Variants in LINGO2 observed in about 807,000 individuals in gnomAD.
LINGO2 encodes leucine rich repeat and Ig domain containing 2, also known as leucine-rich repeat and immunoglobulin-like domain-containing nogo receptor-interacting protein 2.
A neutral mutation model predicts 30.6 loss-of-function variants in LINGO2; 14 were observed. That is an observed-to-expected ratio of 0.46 (90% CI 0.30 to 0.72). LINGO2 has a LOEUF of 0.72. LINGO2 is among the 30% of genes least tolerant of loss of function. LINGO2 has a pLI of 0.07. For missense variants in LINGO2, 729 were observed against 751.7 expected (o/e 0.97, Z 0.35); for synonymous variants, 317 against 288.5 (o/e 1.10, Z -1.00).
At chr9:29,028,421 G>GT in the LINGO2 span, among the ~76,000 whole-genome samples, 1 of 65,256 alleles carries the variant, frequency 1.5e-5, no homozygotes, top group Non-Finnish European at 3.6e-5. Context: ...GTAGTGTGTG[G>GT]GGGGGGGTGA....
chr9:29,097,033 C>T, the LINGO2 span, among the ~76,000 whole-genome samples: 3 of 138,856 alleles, frequency 2.2e-5, 1 homozygote, highest in Non-Finnish European at 3.1e-5. Flanking sequence ...TATGGTAATT[C>T]TGCAAATTCC....
chr9:28,002,214 T>C (rs1821993223), intron 5 of LINGO2, among the ~76,000 whole-genome samples: 1 of 152,166 alleles, frequency 6.6e-6, no homozygotes, highest in Non-Finnish European at 1.5e-5. Context: ...TTGTCCACCA[T>C]GAACTTACCG....
the LINGO2 span, among the ~76,000 whole-genome samples, chr9:28,998,655 C>A: frequency 6.6e-6 from 1 of 151,432 alleles, no homozygotes; most frequent in African/African-American, 2.4e-5. Context: ...CTTTCCTAGT[C>A]AAGGTTAAGG....
chr9:28,865,775 C>T, the LINGO2 span, among the ~76,000 whole-genome samples: 2 of 150,662 alleles, frequency 1.3e-5, 1 homozygote, highest in South Asian at 4.1e-4. Context: ...CAGGGAGAGG[C>T]TCTGTCTCAA....
the LINGO2 span, among the ~76,000 whole-genome samples, chr9:29,042,174 T>C: frequency 1.3e-5 from 2 of 151,910 alleles, no homozygotes; most frequent in African/African-American, 2.4e-5. Context: ...TATGAAGATA[T>C]TGGATCACTC....
intron 4 of LINGO2, among the ~76,000 whole-genome samples, chr9:28,110,482 T>C (rs981022922): frequency 1.3e-5 from 2 of 152,208 alleles, no homozygotes; most frequent in South Asian, 4.1e-4. Flanking sequence ...GATAAAAGTT[T>C]TGCAATCTAC....
chr9:28,675,200 T>C (rs779870375), upstream of LINGO2, among the ~76,000 whole-genome samples: 2 of 152,306 alleles, frequency 1.3e-5, no homozygotes, highest in South Asian at 2.1e-4. Context: ...TAGAAAGTGA[T>C]GCATTTATTT....
In LINGO2 at chr9:28,440,021, T is replaced by C. The variant is rs534753516; in HGVS notation, c.-279+35919A>G. Reference sequence around the variant, plus strand: ...GCTGCTGTTAGACTCTGAAATTTGGTGTTATTTTTCACCCTGGCATAACAG... The same window carrying C: ...GCTGCTGTTAGACTCTGAAATTTGGCGTTATTTTTCACCCTGGCATAACAG... On this transcript the variant is annotated intron_variant, in intron 2 of 5. Coordinates refer to ENST00000379992, the Ensembl canonical transcript of LINGO2. Among the ~76,000 whole-genome samples the C allele has an allele frequency of 3.5e-4, 53 of 152,278 alleles. No homozygotes were observed. In the South Asian group the frequency reaches 6.2e-3, roughly 18 times the overall value.
chr9:28,399,371 G>A (rs1810666293), intron 2 of LINGO2, among the ~76,000 whole-genome samples: 2 of 152,088 alleles, frequency 1.3e-5, no homozygotes, highest in African/African-American at 4.8e-5. Context: ...CGTTATGAAA[G>A]TGAAACTAAA....
the LINGO2 span, among the ~76,000 whole-genome samples, chr9:29,165,796 T>C: frequency 1.3e-5 from 2 of 152,120 alleles, no homozygotes; most frequent in African/African-American, 4.8e-5. Context: ...TGAAAAATCG[T>C]GCAAAGGAAA....
chr9:28,284,225 G>T (rs1823427457), intron 4 of LINGO2, among the ~76,000 whole-genome samples: 1 of 152,136 alleles, frequency 6.6e-6, no homozygotes, highest in South Asian at 2.1e-4. Context: ...CAGCTTTCCA[G>T]TCCTCCTTTG....
chr9:28,593,620 C>T (rs1384999795), intron 1 of LINGO2, among the ~76,000 whole-genome samples: 1 of 152,052 alleles, frequency 6.6e-6, no homozygotes, highest in Non-Finnish European at 1.5e-5. Context: ...TTTAAAACTT[C>T]TCTGCAAGCC....
the LINGO2 span, among the ~76,000 whole-genome samples, chr9:28,991,875 C>G: frequency 6.6e-6 from 1 of 150,830 alleles, no homozygotes; most frequent in African/African-American, 2.4e-5. Context: ...GCACTAAACA[C>G]GGAAAGGAAC....
rs184940499 is a variant in LINGO2, at chr9:28,095,895, C to T, written c.-86-83490G>A. ...ACAAACAACCCCATCAAAAAGTGGG[C>T]GAAGGACATGAACAGACACTTCTCA... is the stretch of plus-strand genomic sequence containing the variant. On this transcript the variant is annotated intron_variant, in intron 4 of 5. Coordinates refer to ENST00000379992, the Ensembl canonical transcript of LINGO2. Among the ~76,000 whole-genome samples, 168 of 152,178 alleles carry T rather than the reference C, an allele frequency of 1.1e-3. 1 individual carries two copies. Among genetic ancestry groups the T allele is most frequent in the Middle Eastern group, 3.4e-3 (1 of 294 alleles).
At chr9:28,258,596 C>A (rs1366446310) in intron 4 of LINGO2, among the ~76,000 whole-genome samples, 1 of 151,828 alleles carries the variant, frequency 6.6e-6, no homozygotes, top group Non-Finnish European at 1.5e-5. Flanking sequence ...TTAAAAAATA[C>A]CTTTTAAAGA....
chr9:27,973,175 T>G (rs866885508), intron 5 of LINGO2, among the ~76,000 whole-genome samples: 14 of 152,288 alleles, frequency 9.2e-5, no homozygotes, highest in African/African-American at 3.1e-4. Context: ...TGTAAGTTTG[T>G]GTGCATCCAC....
chr9:28,043,038 C>A (rs1445182959), intron 4 of LINGO2, among the ~76,000 whole-genome samples: 1 of 152,152 alleles, frequency 6.6e-6, no homozygotes, highest in Admixed American at 6.5e-5. Context: ...ATAAAGACTG[C>A]CTAGATAGGA....
chr9:27,968,829 T>A (rs1820221826), intron 5 of LINGO2, among the ~76,000 whole-genome samples: 1 of 151,738 alleles, frequency 6.6e-6, no homozygotes, highest in African/African-American at 2.4e-5. Flanking sequence ...TTCCCTGTTA[T>A]GGTAATTTAC....
At chr9:28,189,894 G>T (rs1307662642) in intron 4 of LINGO2, among the ~76,000 whole-genome samples, 1 of 152,014 alleles carries the variant, frequency 6.6e-6, no homozygotes, top group Non-Finnish European at 1.5e-5. Flanking sequence ...GGGGTGGTGG[G>T]TACTGATGGA....
Sources: allele counts gnomAD v4.1 joint callset (sites outside exome capture counted in the v4.1 genomes callset), GRCh38; gene constraint gnomAD v4.1.1; transcripts MANE v1.5; gene names NCBI Gene and HGNC (gene_info 2026-07-23, HGNC 2026-07-21).